The following PHC2 variants were observed in gnomAD, a reference collection of about 807,000 sequenced individuals.
The protein encoded by PHC2 is polyhomeotic-like protein 2.
In PHC2, 29 loss-of-function variants were observed where a neutral mutation model predicts 87.4. The ratio of observed to expected loss-of-function variants is 0.33; its 90% CI spans 0.25 to 0.45. The LOEUF (loss-of-function observed/expected upper bound fraction) is 0.45. Ranked by LOEUF, PHC2 falls within the 20% of genes least tolerant of loss-of-function variation. The pLI is 1.00. For synonymous variants in PHC2, 438 were observed against 461.7 expected (o/e 0.95, Z 0.66); for missense variants, 857 against 1,136.7 (o/e 0.75, Z 3.54).
intron 1 of PHC2, among the ~76,000 whole-genome samples, chr1:33,390,156 T>C (rs1439182505): frequency 6.6e-6 from 1 of 152,104 alleles, no homozygotes; most frequent in Non-Finnish European, 1.5e-5. Flanking sequence ...TGGGCAACCA[T>C]GGGGCAGGTG....
At chr1:33,326,055 G>A in intron 14 of PHC2, 1 of 351,314 alleles carries the variant, frequency 2.8e-6, no homozygotes, top group South Asian at 2.1e-5. Flanking sequence ...GTGGTTGGTA[G>A]CAGAAATGTA....
intron 10 of PHC2, chr1:33,333,774 C>CT (rs1646559805): frequency 6.5e-6 from 2 of 307,268 alleles, no homozygotes; most frequent in South Asian, 7.7e-5. Flanking sequence ...AACCCATCAT[C>CT]TCTCACCAAA....
intron 9 of PHC2, among the ~76,000 whole-genome samples, chr1:33,348,557 G>A (rs929057315): frequency 6.6e-6 from 1 of 152,214 alleles, no homozygotes; most frequent in African/African-American, 2.4e-5. Context: ...TGGACAATGG[G>A]ATGGAATAGT....
intron 1 of PHC2, among the ~76,000 whole-genome samples, chr1:33,383,913 A>G (rs1366346237): frequency 6.6e-6 from 1 of 152,096 alleles, no homozygotes; most frequent in East Asian, 1.9e-4. Context: ...CAGGGGGAGC[A>G]TGGCCCTGCC....
rs757581155 is a variant in PHC2 at position 33,367,125 on chromosome 1, T to C, written c.967A>G (p.Ile323Val). ...TTCCTGAAGACCTTACCTGGTGCAA[T>C]GAGGGGGTGGGCAGCCACAGCAGGA... ...TVPAVAAHPL[I>V]APAYAQLQPH... is the part of the protein sequence containing the mutation. Residue 323 changes from isoleucine to valine, a missense_variant, in exon 7 of 15, where the codon ATT becomes GTT. Ile to Val is a conservative substitution (Grantham distance 29). This residue lies in a region of PHC2 where 832 missense variants were observed against 1,081.8 expected (regional missense o/e 0.77). Coordinates refer to ENST00000683057, the MANE Select transcript of PHC2 (RefSeq NM_001385109.1). 22 of 1,603,974 alleles carry C rather than the reference T, an allele frequency of 1.4e-5. No individual in the cohort carries two copies. In the South Asian group the frequency reaches 2.1e-4, roughly 15 times the overall value.
At chr1:33,421,869 C>G (rs12731323) in intron 1 of PHC2, among the ~76,000 whole-genome samples, 57,908 of 152,052 alleles carry the variant, frequency 0.38, 11,663 homozygotes, top group South Asian at 0.52. Context: ...CCCAAACCAC[C>G]CTTCACATTG....
chr1:33,398,096 A>G (rs1438525952), intron 1 of PHC2, among the ~76,000 whole-genome samples: 1 of 152,250 alleles, frequency 6.6e-6, no homozygotes, highest in Non-Finnish European at 1.5e-5. Context: ...TGCTTATGAT[A>G]GCACTGCTTT....
intron 1 of PHC2, among the ~76,000 whole-genome samples, chr1:33,409,530 A>T (rs1649902014): frequency 6.6e-6 from 1 of 152,214 alleles, no homozygotes; most frequent in Admixed American, 6.5e-5. Flanking sequence ...CCTCTCCCCC[A>T]AATCTTCTAT....
intron 1 of PHC2, among the ~76,000 whole-genome samples, chr1:33,422,667 T>C (rs544679604): frequency 3.3e-5 from 5 of 152,228 alleles, no homozygotes; most frequent in Non-Finnish European, 5.9e-5. Flanking sequence ...TCACGGGCTT[T>C]AGTGTCACCA....
At chr1:33,393,925 GAC>G (rs1166023094) in intron 1 of PHC2, among the ~76,000 whole-genome samples, 1 of 152,158 alleles carries the variant, frequency 6.6e-6, no homozygotes, top group African/African-American at 2.4e-5. Context: ...TCCAACCTCT[GAC>G]ATTCACAGCC....
At chr1:33,398,052 C>A (rs1649367126) in intron 1 of PHC2, among the ~76,000 whole-genome samples, 2 of 152,148 alleles carry the variant, frequency 1.3e-5, no homozygotes, top group Admixed American at 1.3e-4. Flanking sequence ...AAAAACAAGA[C>A]CCCATCTGGC....
Position 33,328,871 on chromosome 1 carries a change from T to C in PHC2, c.2424A>G (p.Pro808=). The part of the protein sequence containing the change: ...EDVYEFIRSL[P]GCQEIAEEFR... ...ACATGGAATTTCCAAGGGCCTTACC[T>C]GGCAGAGAGCGGATGAATTCGTAGA... Residue 808 remains proline (P), a splice_region_variant and synonymous_variant, in exon 14 of 15, where the codon CCA becomes CCG. Coordinates refer to ENST00000683057, the MANE Select transcript of PHC2 (RefSeq NM_001385109.1). 4 of 1,603,306 alleles carry C rather than the reference T, an allele frequency of 2.5e-6. No homozygotes were observed. Among genetic ancestry groups the C allele is most frequent in the Non-Finnish European group, 3.4e-6 (4 of 1,171,172 alleles).
At chr1:33,341,634 T>C (rs936383163) in intron 9 of PHC2, among the ~76,000 whole-genome samples, 1 of 152,252 alleles carries the variant, frequency 6.6e-6, no homozygotes, top group Non-Finnish European at 1.5e-5. Context: ...CATGTTACCA[T>C]GTTTCCCAAA....
At chr1:33,327,008 G>C (rs988448010) in intron 14 of PHC2, among the ~76,000 whole-genome samples, 1 of 152,156 alleles carries the variant, frequency 6.6e-6, no homozygotes, top group South Asian at 2.1e-4. Flanking sequence ...AGCAGGCTGA[G>C]AAAACGACTA....
intron 1 of PHC2, among the ~76,000 whole-genome samples, chr1:33,421,375 T>G (rs2148405259): frequency 6.6e-6 from 1 of 151,286 alleles, no homozygotes; most frequent in South Asian, 2.1e-4. Context: ...TTGGGGGAAA[T>G]AAGAAAAAAA....
At chr1:33,419,898 C>A (rs996976240) in intron 1 of PHC2, among the ~76,000 whole-genome samples, 1 of 151,636 alleles carries the variant, frequency 6.6e-6, no homozygotes, top group South Asian at 2.1e-4. Flanking sequence ...CGTGAGCCAC[C>A]GCGCCCGGCC....
Position 33,372,303 on chromosome 1 carries a change from C to T in PHC2, c.319G>A (p.Ala107Thr). The T allele has an allele frequency of 6.4e-7, 1 of 1,572,012 alleles. No individual in the cohort carries two copies. Among genetic ancestry groups the T allele is most frequent in the Non-Finnish European group, 8.7e-7 (1 of 1,154,754 alleles). Residue 107 changes from alanine to threonine, a missense_variant, in exon 3 of 15, where the codon GCA (alanine) becomes ACA (threonine). Around this residue, in one of 3 missense-constraint regions of PHC2, gnomAD observed 832 missense variants for 1,081.8 expected, o/e 0.77. Coordinates refer to ENST00000683057, the MANE Select transcript of PHC2 (RefSeq NM_001385109.1). The stretch of plus-strand genomic sequence containing the variant: ...CCAAGTCTCACCTGCTGTACGGCTG[C>T]CAGGCTCTGGAGCTGGGCGCTGCTG... ...HLSSAQLQSL[A>T]AVQQASLVSN...
At chr1:33,419,253 G>C (rs1323832779) in intron 1 of PHC2, among the ~76,000 whole-genome samples, 1 of 152,186 alleles carries the variant, frequency 6.6e-6, no homozygotes, top group Non-Finnish European at 1.5e-5. Flanking sequence ...CTCAAAATGA[G>C]CTAAGCAGTA....
At chr1:33,405,102 T>C (rs933550249) in intron 1 of PHC2, among the ~76,000 whole-genome samples, 6 of 152,150 alleles carry the variant, frequency 3.9e-5, no homozygotes. Context: ...GGATCGGCAG[T>C]GATGTCTTCC....
Sources: allele counts gnomAD v4.1 joint callset (sites outside exome capture counted in the v4.1 genomes callset), GRCh38; gene constraint gnomAD v4.1.1; regional missense constraint gnomAD v4.1.1; transcripts MANE v1.5; gene names NCBI Gene and HGNC (gene_info 2026-07-23, HGNC 2026-07-21).